The following STON1 variants were observed in gnomAD, a reference collection of about 807,000 sequenced individuals.
STON1 encodes stonin 1.
STON1 carries 79 observed loss-of-function variants against 60.9 expected under a neutral mutation model. That is an observed-to-expected ratio of 1.30 (90% CI 1.08 to 1.56). The LOEUF (loss-of-function observed/expected upper bound fraction) is 1.56, where lower values mean the gene tolerates loss of function less well. Among genes scored for constraint, STON1 ranks in the 40% most tolerant of loss-of-function variants. The pLI is 0.00. For missense variants in STON1, 1,166 were observed against 858.9 expected (o/e 1.36, Z -4.47); for synonymous variants, 363 against 306.9 (o/e 1.18, Z -1.91).
At chr2:48,573,835 C>G (rs114605108) in intron 1 of STON1, among the ~76,000 whole-genome samples, 62 of 152,318 alleles carry the variant, frequency 4.1e-4, no homozygotes, top group African/African-American at 1.5e-3. Flanking sequence ...GACTACTCTT[C>G]AGCCTTGAAA....
intron 1 of STON1, among the ~76,000 whole-genome samples, chr2:48,567,001 T>C (rs1312286310): frequency 6.6e-6 from 1 of 152,006 alleles, no homozygotes; most frequent in Non-Finnish European, 1.5e-5. Flanking sequence ...ATGAACAGAT[T>C]ATTAGAACAA....
At chr2:48,564,425 CTTCTTCT>C (rs1672751503) in intron 1 of STON1, among the ~76,000 whole-genome samples, 1 of 42,916 alleles carries the variant, frequency 2.3e-5, no homozygotes, top group Non-Finnish European at 5.2e-5. Context: ...TCTTCTTCTT[CTTCTTCT>C]TCTTCTTCTT....
chr2:48,554,255 T>C (rs1343878556), intron 1 of STON1, among the ~76,000 whole-genome samples: 1 of 152,178 alleles, frequency 6.6e-6, no homozygotes, highest in African/African-American at 2.4e-5. Flanking sequence ...AGAGTCTCTC[T>C]TTGTCGCCCG....
intron 1 of STON1, among the ~76,000 whole-genome samples, chr2:48,569,634 A>G (rs1439638607): frequency 3.9e-5 from 6 of 152,258 alleles, no homozygotes; most frequent in Non-Finnish European, 5.9e-5. Context: ...ACTCACAAAG[A>G]GTATATGAAT....
chr2:48,584,448 A>G (rs2103929212), intron 2 of STON1, among the ~76,000 whole-genome samples: 1 of 152,100 alleles, frequency 6.6e-6, no homozygotes, highest in South Asian at 2.1e-4. Flanking sequence ...TTTTATTTTT[A>G]GTAGAGACGG....
chr2:48,576,908 G>C (rs1169819541), intron 1 of STON1, among the ~76,000 whole-genome samples: 3 of 152,048 alleles, frequency 2.0e-5, no homozygotes, highest in African/African-American at 7.2e-5. Context: ...CAAAAAATTA[G>C]CCGGGCGCGG....
chr2:48,590,850 G>A (rs1349693080), intron 2 of STON1, among the ~76,000 whole-genome samples: 1 of 152,108 alleles, frequency 6.6e-6, no homozygotes, highest in African/African-American at 2.4e-5. Context: ...TATTTTGGAA[G>A]GATGAGTGAG....
chr2:48,570,537 G>A (rs1237450657), intron 1 of STON1, among the ~76,000 whole-genome samples: 1 of 152,100 alleles, frequency 6.6e-6, no homozygotes, highest in Non-Finnish European at 1.5e-5. Context: ...ACATCCAAGA[G>A]CACGTGCTAG....
chr2:48,583,496 A>T (rs1459932281), intron 2 of STON1, among the ~76,000 whole-genome samples: 2 of 152,240 alleles, frequency 1.3e-5, no homozygotes, highest in African/African-American at 4.8e-5. Flanking sequence ...ACTTGAAAAG[A>T]CAGTTATAGT....
rs1421740348 is a variant in STON1, at chr2:48,582,092, T to C, written c.1459T>C (p.Phe487Leu). ...GGGGATTGATATTCTTGACTACCATTTTCATAAGTGTGTGAATGTACAAGA... is the reference window on the plus strand; with the variant it reads ...GGGGATTGATATTCTTGACTACCATCTTCATAAGTGTGTGAATGTACAAGA... ...KKGIDILDYH[F>L]HKCVNVQEFE... Residue 487 changes from phenylalanine to leucine, a missense_variant, in exon 2 of 4, where the codon TTT becomes CTT. Transcript: ENST00000404752. 1 of 1,613,970 alleles carries C rather than the reference T, an allele frequency of 6.2e-7. No individual in the cohort carries two copies. Among genetic ancestry groups the C allele is most frequent in the East Asian group, 2.2e-5 (1 of 44,768 alleles).
chr2:48,582,734 T>C (rs3792236), intron 2 of STON1, among the ~76,000 whole-genome samples, 171 bp downstream of exon 2: 50,285 of 152,076 alleles, frequency 0.33, 8,433 homozygotes, highest in East Asian at 0.42. Context: ...TGTTTCCTTT[T>C]GCACCTATTT....
intron 1 of STON1, among the ~76,000 whole-genome samples, chr2:48,572,756 C>A (rs1031140053): frequency 6.6e-6 from 1 of 152,168 alleles, no homozygotes; most frequent in African/African-American, 2.4e-5. Flanking sequence ...GCTCTCACCC[C>A]TATAGGAGGG....
intron 1 of STON1, among the ~76,000 whole-genome samples, chr2:48,538,433 G>C (rs1210657362): frequency 6.6e-6 from 1 of 152,030 alleles, no homozygotes; most frequent in African/African-American, 2.4e-5. Context: ...ATTCCTTCTT[G>C]ATTCAGTTTT....
intron 1 of STON1, among the ~76,000 whole-genome samples, chr2:48,549,832 A>G (rs1353727194): frequency 2.0e-5 from 3 of 149,070 alleles, no homozygotes; most frequent in Admixed American, 1.3e-4. Context: ...AAAAAAAAAA[A>G]AGAGAAAAGA....
At chr2:48,533,392 A>G (rs1330157306) in intron 1 of STON1, among the ~76,000 whole-genome samples, 1 of 151,292 alleles carries the variant, frequency 6.6e-6, no homozygotes, top group Admixed American at 6.6e-5. Context: ...AAAAGAAAAG[A>G]AAAAAAAAGA....
chr2:48,561,461 G>A (rs1558599652), intron 1 of STON1, among the ~76,000 whole-genome samples: 1 of 152,152 alleles, frequency 6.6e-6, no homozygotes, highest in Non-Finnish European at 1.5e-5. Context: ...TTTTCTGATT[G>A]TGCGAACCTC....
chr2:48,559,638 G>A (rs1408571465), intron 1 of STON1, among the ~76,000 whole-genome samples: 1 of 152,130 alleles, frequency 6.6e-6, no homozygotes, highest in African/African-American at 2.4e-5. Context: ...AGAGGCTCAG[G>A]GAATTGAAGT....
In STON1 at chr2:48,561,575, A is replaced by T. The variant is rs548434833; in HGVS notation, c.-47-19012A>T. 2.0e-5 allele frequency among the ~76,000 whole-genome samples: 3 copies of T among 152,274 alleles called. No individual in the cohort carries two copies. The East Asian group carries it at 5.8e-4, about 29-fold the overall frequency. On this transcript the variant is annotated intron_variant, in intron 1 of 3. Transcript: ENST00000404752. ...GACCTCCTTGCTTTTGACATTTTGGACTGGAAAATTCTTGTTGTGGGGCTG... is the reference window on the plus strand; with the variant it reads ...GACCTCCTTGCTTTTGACATTTTGGTCTGGAAAATTCTTGTTGTGGGGCTG...
intron 1 of STON1, among the ~76,000 whole-genome samples, chr2:48,567,144 T>C (rs2349098): frequency 0.35 from 52,543 of 152,054 alleles, 9,232 homozygotes; most frequent in South Asian, 0.41. Flanking sequence ...TAGGTTTTGC[T>C]GTGGTTTAAT....
Sources: gnomAD v4.1 joint callset for allele counts (sites outside exome capture counted in the v4.1 genomes callset) on GRCh38, gnomAD v4.1.1 for gene constraint, MANE v1.5 for transcripts, NCBI Gene and HGNC (gene_info 2026-07-23, HGNC 2026-07-21) for gene names.